MYOM3: variants seen among roughly 807,000 people sequenced by gnomAD.
The protein encoded by MYOM3 is myomesin-3.
MYOM3 carries 155 observed loss-of-function variants against 191.7 expected under a neutral mutation model. That is an observed-to-expected ratio of 0.81 (90% CI 0.71 to 0.92). The LOEUF (loss-of-function observed/expected upper bound fraction) is 0.92, where lower values mean the gene tolerates loss of function less well. MYOM3 is among the 40% of genes least tolerant of loss of function. The pLI, the probability that MYOM3 is intolerant of heterozygous loss-of-function variation, is 0.00. For synonymous variants in MYOM3, 757 were observed against 762.9 expected, an observed-to-expected ratio of 0.99 and a Z score of 0.13; for missense variants, 1,889 against 1,890.6, an observed-to-expected ratio of 1.00 and a Z score of 0.02.
chr1:24,108,609 C>T lies in MYOM3; in HGVS notation c.28G>A (p.Ala10Thr), dbSNP rs774883053. The change falls in exon 2 of 37, where the codon GCG (alanine) becomes ACG (threonine). Residue 10 changes from alanine to threonine, a missense_variant. Physicochemically the swap from Ala to Thr is moderately conservative, Grantham distance 58 (BLOSUM62 0). Coordinates refer to ENST00000374434, the MANE Select transcript of MYOM3 (RefSeq NM_152372.4). ...GCCTGGGGGGGCCGGGGGTCCCCCG[C>T]ACCTCCCAAGCTGTGCGGCAGAGTC... MTLPHSLGG[A>T]GDPRPPQAME... 1.3e-6 allele frequency: 2 copies of T among 1,567,588 alleles called. No individual in the cohort carries two copies. The highest frequency in any genetic ancestry group is 2.3e-5 in the South Asian group (2 of 85,388).
rs949247866 is a variant in MYOM3, at chr1:24,068,097, T to A, written c.3296-68A>T. 75 of 1,576,310 alleles carry A rather than the reference T, an allele frequency of 4.8e-5. 2 individuals carry two copies. In the South Asian group the frequency reaches 7.8e-4, roughly 16 times the overall value. On this transcript the variant is annotated intron_variant, in intron 26 of 36. Transcript: ENST00000374434. ...GTGGGTCTGGAGAGGGGACATGGGG[T>A]GGACAGAAGTCGAGGGGGCTGTGCT...
At position 24,093,251 on chromosome 1, in the gene MYOM3, G is replaced by A. The variant is rs1049171386; in HGVS notation, c.929-143C>T. The A allele has an allele frequency of 1.7e-5, 11 of 629,826 alleles. No homozygotes were observed. The African/African-American group carries it at 2.0e-4, about 11-fold the overall frequency. 39.0% of individuals were successfully genotyped at this position (629,826 alleles called of 1,614,324 possible). A position where few individuals can be genotyped will look rare whatever the true frequency, so the allele number is the denominator to read the frequency against. Reference sequence around the variant, plus strand: ...TCAGCTCAGGCCTTGGGTGGGGGTGGTGGCCTCCAGGGCTTTGCCAAGGCA... The same window carrying A: ...TCAGCTCAGGCCTTGGGTGGGGGTGATGGCCTCCAGGGCTTTGCCAAGGCA... On this transcript the variant is annotated intron_variant, in intron 9 of 36. Transcript: ENST00000374434.
chr1:24,109,919 C>T (rs758685248), intron 1 of MYOM3, among the ~76,000 whole-genome samples: 10 of 152,258 alleles, frequency 6.6e-5, no homozygotes, highest in Admixed American at 2.0e-4. Flanking sequence ...ATCTCCTTTG[C>T]ATTCCCAAGG....
intron 7 of MYOM3, among the ~76,000 whole-genome samples, 167 bp downstream of exon 7, chr1:24,097,756 G>A (rs1643886203): frequency 1.3e-5 from 2 of 152,168 alleles, no homozygotes; most frequent in Non-Finnish European, 2.9e-5. Context: ...TGCTGTGAAG[G>A]CCCCCAGGGA....
intron 16 of MYOM3, 34 bp from the exon 17 acceptor site, chr1:24,082,748 C>G: frequency 6.4e-7 from 1 of 1,558,954 alleles, no homozygotes; most frequent in South Asian, 1.2e-5. Flanking sequence ...CATGGATGTA[C>G]AAACAGCCTG....
chr1:24,082,639 G>A lies in MYOM3; in HGVS notation c.2046C>T (p.Gly682=), dbSNP rs12072601. The A allele has an allele frequency of 7.4e-6, 12 of 1,612,118 alleles. No homozygotes were observed. The highest frequency in any genetic ancestry group is 5.3e-5 in the African/African-American group (4 of 74,902). ...TGGGCTCGGTGGCGGCTGAGCTCTCGCCTACCCCAGCCTCGCTGACTGACC... is the reference window on the plus strand; with the variant it reads ...TGGGCTCGGTGGCGGCTGAGCTCTCACCTACCCCAGCCTCGCTGACTGACC... ...CVRSVSEAGV[G]ESSAATEPIR... The change falls in exon 17 of 37, where the codon GGC becomes GGT. Residue 682 remains glycine (G), a synonymous_variant. Coordinates refer to ENST00000374434, the MANE Select transcript of MYOM3 (RefSeq NM_152372.4).
At chr1:24,110,350 GT>G (rs1458767856) in intron 1 of MYOM3, among the ~76,000 whole-genome samples, 9 of 152,026 alleles carry the variant, frequency 5.9e-5, no homozygotes, top group Non-Finnish European at 1.3e-4. Context: ...GTGTGTGTGT[GT>G]GGGCGTGCAT....
At chr1:24,070,978 T>G (rs1643523773) in intron 25 of MYOM3, 139 bp downstream of exon 25, 3 of 1,111,788 alleles carry the variant, frequency 2.7e-6, no homozygotes, top group Admixed American at 2.2e-5. Flanking sequence ...CCCGTCCTCA[T>G]CACTGCAACA....
At position 24,099,683 on chromosome 1, in the gene MYOM3, C is replaced by T; in HGVS notation, c.653G>A (p.Arg218Lys). Reference protein sequence around the residue: ...NNYGLLSLEIRRCAIEDSATY... With the variant: ...NNYGLLSLEIKRCAIEDSATY... ...CTCTCCAGGTCTCCAGTCTCACCTCCTAATCTCCAGGGACAGCAGCCCGTA... is the reference window on the plus strand; with the variant it reads ...CTCTCCAGGTCTCCAGTCTCACCTCTTAATCTCCAGGGACAGCAGCCCGTA... Residue 218 changes from arginine (R) to lysine (K), a missense_variant, in exon 6 of 37, where the codon AGG becomes AAG. By Grantham distance (26) the Arg-to-Lys change is conservative (BLOSUM62 2). Coordinates refer to ENST00000374434, the MANE Select transcript of MYOM3 (RefSeq NM_152372.4). 2 of 1,613,332 alleles carry T rather than the reference C, an allele frequency of 1.2e-6. No individual in the cohort carries two copies. Among genetic ancestry groups the T allele is most frequent in the Non-Finnish European group, 1.7e-6 (2 of 1,179,370 alleles).
At chr1:24,078,287 G>A (rs1009442691) in intron 20 of MYOM3, among the ~76,000 whole-genome samples, 1 of 151,938 alleles carries the variant, frequency 6.6e-6, no homozygotes, top group Admixed American at 6.6e-5. Flanking sequence ...GCTAATTTTT[G>A]TATTTTTTTT....
chr1:24,062,205 T>C, intron 32 of MYOM3, 96 bp from the exon 33 acceptor site: 4 of 1,370,894 alleles, frequency 2.9e-6, no homozygotes, highest in East Asian at 2.3e-5. Context: ...TGTTTTGAGA[T>C]CACGGGCTAT....
intron 5 of MYOM3, among the ~76,000 whole-genome samples, 181 bp downstream of exon 5, chr1:24,105,739 G>A (rs575182569): frequency 2.8e-4 from 42 of 152,274 alleles, no homozygotes; most frequent in Non-Finnish European, 4.9e-4. Flanking sequence ...CAGCCTGAGC[G>A]AGGCCCCGCC....
At chr1:24,069,964 AAT>A (rs564651947) in intron 25 of MYOM3, among the ~76,000 whole-genome samples, 33 of 152,254 alleles carry the variant, frequency 2.2e-4, no homozygotes, top group Middle Eastern at 3.4e-3. Flanking sequence ...ATTCACAAAT[AAT>A]ATGAGATTGA....
chr1:24,095,788 C>A (rs996792509), intron 7 of MYOM3, among the ~76,000 whole-genome samples: 4 of 152,128 alleles, frequency 2.6e-5, no homozygotes, highest in African/African-American at 9.7e-5. Flanking sequence ...AACTTGCCCC[C>A]AGGATTATGC....
At chr1:24,101,488 T>G (rs1570886232) in intron 5 of MYOM3, among the ~76,000 whole-genome samples, 1 of 152,226 alleles carries the variant, frequency 6.6e-6, no homozygotes, top group East Asian at 1.9e-4. Context: ...GGCTCATGCC[T>G]GTAATCCCAA....
chr1:24,111,067 AC>A lies in MYOM3; in HGVS notation c.-19+963del, dbSNP rs1644034507. On this transcript the variant is annotated intron_variant, in intron 1 of 36. Transcript: ENST00000374434. The surrounding 1 kb of genome is among the most constrained non-coding windows in gnomAD (Gnocchi z 4.7). ...GACCCCTGGCTTTAGCGGATGAGCT[AC>A]CAATTCTTTTTAAAGCACTGACTGA... is the stretch of plus-strand genomic sequence containing the variant. Among the ~76,000 whole-genome samples, 1 of 152,198 alleles carries A rather than the reference AC, an allele frequency of 6.6e-6. No individual in the cohort carries two copies. Among genetic ancestry groups the A allele is most frequent in the Non-Finnish European group, 1.5e-5 (1 of 68,026 alleles).
intron 5 of MYOM3, among the ~76,000 whole-genome samples, chr1:24,100,397 G>A (rs1643903386): frequency 6.6e-6 from 1 of 152,270 alleles, no homozygotes; most frequent in African/African-American, 2.4e-5. Context: ...GAGGGAGCCT[G>A]TAATTAAGGG....
Position 24,094,908 on chromosome 1 carries a change from T to C in MYOM3, c.873A>G (p.Ser291=). The part of the protein sequence containing the change: ...FAREKEPFSL[S]CLFSEDVLDA... ...CTAACACATCTTCCGAAAACAAGCATGACAGGGAGAAGGGTTCCTTCTCAC... is the reference window on the plus strand; with the variant it reads ...CTAACACATCTTCCGAAAACAAGCACGACAGGGAGAAGGGTTCCTTCTCAC... Residue 291 remains serine (S), a synonymous_variant, in exon 9 of 37, where the codon TCA becomes TCG. Coordinates refer to ENST00000374434, the MANE Select transcript of MYOM3 (RefSeq NM_152372.4). The C allele has an allele frequency of 6.2e-7, 1 of 1,614,048 alleles. No individual in the cohort carries two copies. Among genetic ancestry groups the C allele is most frequent in the African/African-American group, 1.3e-5 (1 of 75,026 alleles).
In MYOM3 at chr1:24,108,552, C is replaced by T. The variant is rs767526706; in HGVS notation, c.85G>A (p.Glu29Lys). The T allele has an allele frequency of 1.3e-6, 2 of 1,579,254 alleles. No individual in the cohort carries two copies. The highest frequency in any genetic ancestry group is 2.3e-5 in the South Asian group (2 of 86,494). ...TGCCGCTCCTCCTTCTGCTCCTCCTCCTGCCGGTGCTCCAGCCTGTGAACC... is the reference window on the plus strand; with the variant it reads ...TGCCGCTCCTCCTTCTGCTCCTCCTTCTGCCGGTGCTCCAGCCTGTGAACC... ...MEVHRLEHRQ[E>K]EEQKEERQHS... The change falls in exon 2 of 37, where the codon GAG becomes AAG. Residue 29 changes from glutamate (E) to lysine (K), a missense_variant. Coordinates refer to ENST00000374434, the MANE Select transcript of MYOM3 (RefSeq NM_152372.4).
Sources: gnomAD v4.1 joint callset for allele counts (sites outside exome capture counted in the v4.1 genomes callset) on GRCh38, gnomAD v4.1.1 for gene constraint, Gnocchi (gnomAD v3.1) non-coding constraint, MANE v1.5 for transcripts, NCBI Gene and HGNC (gene_info 2026-07-23, HGNC 2026-07-21) for gene names.